Variants in SH2B3 observed in about 807,000 individuals in gnomAD.
The protein encoded by SH2B3 is SH2B adapter protein 3.
Under a neutral mutation model 51.9 loss-of-function variants are expected in SH2B3, and 43 were observed. The ratio of observed to expected loss-of-function variants is 0.83; its 90% confidence interval spans 0.65 to 1.07. The LOEUF is 1.07. Among genes scored for constraint, SH2B3 ranks in the 50% least tolerant of loss-of-function variants. The pLI is 0.00. For synonymous variants in SH2B3, 396 were observed against 376.0 expected, an observed-to-expected ratio of 1.05 and a Z score of -0.62; for missense variants, 952 against 834.3, an observed-to-expected ratio of 1.14 and a Z score of -1.74.
intron 2 of SH2B3, chr12:111,434,818 AG>A: frequency 6.6e-7 from 1 of 1,514,958 alleles, no homozygotes; most frequent in Non-Finnish European, 8.9e-7. Context: ...CTGTGTGTCA[AG>A]GCCTGTGACA....
At chr12:111,446,534 T>C (rs1005518054) in intron 2 of SH2B3, among the ~76,000 whole-genome samples, 9 of 152,156 alleles carry the variant, frequency 5.9e-5, no homozygotes, top group African/African-American at 2.2e-4. Context: ...AGGGCTGGCC[T>C]TCTGCCAGCA....
rs1224908780 is a variant in SH2B3 at position 111,409,758 on chromosome 12, C to T, written c.-28+3481C>T. 6.6e-6 allele frequency among the ~76,000 whole-genome samples: 1 copy of T among 152,200 alleles called. No individual in the cohort carries two copies. Among genetic ancestry groups the T allele is most frequent in the Non-Finnish European group, 1.5e-5 (1 of 68,038 alleles). ...ACCAGGCCACCACTGGACATCTGCTCAATGGGGCCCTGCTGCCGGGGTGAC... is the reference window on the plus strand; with the variant it reads ...ACCAGGCCACCACTGGACATCTGCTTAATGGGGCCCTGCTGCCGGGGTGAC... On this transcript the variant is annotated intron_variant, in intron 1 of 7. Coordinates refer to ENST00000341259, the MANE Select transcript of SH2B3 (RefSeq NM_005475.3). This position sits in a 1 kb window ranked among gnomAD's most constrained non-coding sequence, Gnocchi z 4.0.
rs1043845034 is a variant in SH2B3, at chr12:111,435,202, C to G, written c.733-11551C>G. Among the ~76,000 whole-genome samples the G allele has an allele frequency of 6.6e-5, 10 of 152,214 alleles. No individual in the cohort carries two copies. Among genetic ancestry groups the G allele is most frequent in the African/African-American group, 2.4e-4 (10 of 41,450 alleles). On this transcript the variant is annotated intron_variant, in intron 2 of 7. Transcript: ENST00000341259. The surrounding 1 kb of genome is among the most constrained non-coding windows in gnomAD (Gnocchi z 4.8). ...AGCAGATGCTTGGCCGGGGCTTCCC[C>G]GAGCTGGTCCTGGCTTTGTGGCAGG...
Position 111,418,133 on chromosome 12 carries a change from C to G in SH2B3, c.-13C>G. The G allele has an allele frequency of 6.7e-7, 1 of 1,489,394 alleles. No individual in the cohort carries two copies. The allele number at this position is 1,489,394 out of a possible 1,614,324, so 92.3% of individuals were successfully genotyped here. ...GTGTCTTTCAGCCCGGCCGCACCAC[C>G]TGGGTCTCCGCCATGAACGGGCCTG... On this transcript the variant is annotated 5_prime_UTR_variant, in exon 2 of 8. Transcript: ENST00000341259. This position sits in a 1 kb window ranked among gnomAD's most constrained non-coding sequence, Gnocchi z 6.7.
intron 1 of SH2B3, among the ~76,000 whole-genome samples, chr12:111,414,589 CAAA>C (rs34941106): frequency 7.7e-6 from 1 of 129,934 alleles, no homozygotes; most frequent in Admixed American, 7.8e-5. Context: ...GACCCTGTCT[CAAA>C]AAAAAAAAAA....
At position 111,449,926 on chromosome 12, in the gene SH2B3, CTTT is replaced by C. The variant is rs1272966268; in HGVS notation, c.*1626_*1628del. 1 of 150,716 alleles carries C rather than the reference CTTT, an allele frequency of 6.6e-6. No homozygotes were observed. The highest frequency in any genetic ancestry group is 2.4e-5 in the African/African-American group (1 of 40,960). 9.3% of individuals were successfully genotyped at this position (150,716 alleles called of 1,614,324 possible). ...GGGTGGGGGAACAAACCCCTATGCACTTTTCTTTTTTTTTTTTTTGAGATGGAG... is the reference window on the plus strand; with the variant it reads ...GGGTGGGGGAACAAACCCCTATGCACTCTTTTTTTTTTTTTTGAGATGGAG... On this transcript the variant is annotated 3_prime_UTR_variant, in exon 8 of 8. Transcript: ENST00000341259.
chr12:111,423,282 A>T (rs994577990), intron 2 of SH2B3, among the ~76,000 whole-genome samples: 1 of 152,222 alleles, frequency 6.6e-6, no homozygotes, highest in Non-Finnish European at 1.5e-5. Flanking sequence ...ATCATTTGTT[A>T]AAAATCTCAA....
rs1239241946 is a variant in SH2B3 at position 111,447,818 on chromosome 12, C to T, written c.1399C>T (p.Gln467Ter). The T allele has an allele frequency of 6.2e-7, 1 of 1,613,826 alleles. No homozygotes were observed. Among genetic ancestry groups the T allele is most frequent in the Non-Finnish European group, 8.5e-7 (1 of 1,179,892 alleles). Residue 467 changes from glutamine (Q) to a stop codon, truncating the protein, a stop_gained, in exon 7 of 8, where the codon CAA (glutamine) becomes TAA (stop). Transcript: ENST00000341259. LOFTEE classifies it high-confidence loss of function. Reference protein sequence around the residue: ...RLSSYVVVVSQPPGSCNTVLF... With the variant: ...RLSSYVVVVS ...CTCCAGCTACGTGGTAGTCGTCTCC[C>T]AACCACCAGGTCTGACCCTACTGCC...
rs770929984 is a variant in SH2B3, at chr12:111,418,202, G to A, written c.57G>A (p.Pro19=). Residue 19 remains proline (P), a synonymous_variant, in exon 2 of 8, where the codon CCG becomes CCA. Transcript: ENST00000341259. The surrounding 1 kb of genome is among the most constrained non-coding windows in gnomAD (Gnocchi z 6.7). ...CCTCTTCCGCGCCCTCAGCCTCCCC[G>A]GCGGCGGCCCCGCGGGGCTGGAGCG... The part of the protein sequence containing the change: ...SSPSSAPSAS[P]AAAPRGWSEF... The A allele has an allele frequency of 1.2e-5, 19 of 1,576,272 alleles. No homozygotes were observed. The highest frequency in any genetic ancestry group is 2.2e-4 in the Middle Eastern group (1 of 4,602).
intron 1 of SH2B3, among the ~76,000 whole-genome samples, chr12:111,412,016 C>T (rs1360385756): frequency 2.6e-5 from 4 of 152,252 alleles, no homozygotes; most frequent in Admixed American, 2.6e-4. Flanking sequence ...CAGGCTCCCC[C>T]GAAGCTCTGT....
chr12:111,440,611 C>T (rs1873316061), intron 2 of SH2B3, among the ~76,000 whole-genome samples: 1 of 152,244 alleles, frequency 6.6e-6, no homozygotes, highest in Admixed American at 6.5e-5. Context: ...GTCTTCTAGC[C>T]TGGGGCTGTG....
chr12:111,426,539 C>T (rs182429653), intron 2 of SH2B3, among the ~76,000 whole-genome samples: 2 of 152,108 alleles, frequency 1.3e-5, no homozygotes, highest in East Asian at 3.9e-4. Flanking sequence ...GTTTCTATGA[C>T]TCACTTCAGG....
intron 2 of SH2B3, chr12:111,434,823 TGTGA>T: frequency 6.6e-7 from 1 of 1,520,834 alleles, no homozygotes. Flanking sequence ...TGTCAAGGCC[TGTGA>T]CATGGTAAAC....
chr12:111,426,091 G>A (rs1871971175), intron 2 of SH2B3, among the ~76,000 whole-genome samples: 1 of 152,212 alleles, frequency 6.6e-6, no homozygotes, highest in African/African-American at 2.4e-5. Flanking sequence ...GAAAGGGTGT[G>A]ATCTACTGAG....
Position 111,435,103 on chromosome 12 carries a change from C to G in SH2B3, c.733-11650C>G, listed in dbSNP as rs1872751317. The G allele has an allele frequency of 1.7e-6, 2 of 1,184,866 alleles. No individual in the cohort carries two copies. The highest frequency in any genetic ancestry group is 3.1e-5 in the African/African-American group (2 of 64,810). 73.4% of individuals were successfully genotyped at this position (1,184,866 alleles called of 1,614,324 possible). ...AGTCCCCTCTCCTCTGGTGCACTCT[C>G]CCCACCCGAGACGGGCGACAGAGGT... On this transcript the variant is annotated intron_variant, in intron 2 of 7. Coordinates refer to ENST00000341259, the MANE Select transcript of SH2B3 (RefSeq NM_005475.3). The surrounding 1 kb of genome is among the most constrained non-coding windows in gnomAD (Gnocchi z 4.8).
chr12:111,431,375 C>T (rs1400588245), intron 2 of SH2B3, among the ~76,000 whole-genome samples: 2 of 152,166 alleles, frequency 1.3e-5, no homozygotes, highest in African/African-American at 4.8e-5. Context: ...CATCTGGGTA[C>T]CCCATGTAAT....
intron 2 of SH2B3, among the ~76,000 whole-genome samples, chr12:111,436,666 G>A (rs1872903852): frequency 6.6e-6 from 1 of 152,082 alleles, no homozygotes. Flanking sequence ...CTGGGTGTCT[G>A]TCGCTGTAGG....
rs1176546762 is a variant in SH2B3, at chr12:111,435,115, C to T, written c.733-11638C>T. ...TCTGGTGCACTCTCCCCACCCGAGA[C>T]GGGCGACAGAGGTTTTTTGTTGTTT... On this transcript the variant is annotated intron_variant, in intron 2 of 7. Coordinates refer to ENST00000341259, the MANE Select transcript of SH2B3 (RefSeq NM_005475.3). This position sits in a 1 kb window ranked among gnomAD's most constrained non-coding sequence, Gnocchi z 4.8. The T allele has an allele frequency of 3.8e-5, 41 of 1,072,290 alleles. No individual in the cohort carries two copies. The South Asian group carries it at 4.1e-4, about 11-fold the overall frequency. The allele number at this position is 1,072,290 out of a possible 1,614,324, so 66.4% of individuals were successfully genotyped here.
intron 3 of SH2B3, 22 bp downstream of exon 3, chr12:111,446,876 AC>A (rs1463616585): frequency 6.2e-7 from 1 of 1,602,188 alleles, no homozygotes; most frequent in Middle Eastern, 1.7e-4. Context: ...GGCTTTTCAC[AC>A]CCTGGGGCAA....
Sources: allele counts gnomAD v4.1 joint callset (sites outside exome capture counted in the v4.1 genomes callset), GRCh38; gene constraint gnomAD v4.1.1; non-coding constraint Gnocchi (gnomAD v3.1); transcripts MANE v1.5; gene names NCBI Gene and HGNC (gene_info 2026-07-23, HGNC 2026-07-21).